Variants in AUTS2 observed in about 807,000 individuals in gnomAD.
AUTS2 encodes the protein autism susceptibility gene 2 protein.
Under a neutral mutation model 112.4 loss-of-function variants are expected in AUTS2, and 17 were observed. The ratio of observed to expected loss-of-function variants is 0.15; its 90% CI spans 0.10 to 0.23. AUTS2 has a LOEUF of 0.23. Among genes scored for constraint, AUTS2 ranks in the 10% least tolerant of loss-of-function variants. AUTS2 has a pLI of 1.00. For synonymous variants in AUTS2, 751 were observed against 702.7 expected, an observed-to-expected ratio of 1.07 and a Z score of -1.09; for missense variants, 1,510 against 1,701.6, an observed-to-expected ratio of 0.89 and a Z score of 1.98.
At chr7:70,174,925 A>G (rs1808904216) in intron 4 of AUTS2, among the ~76,000 whole-genome samples, 1 of 152,174 alleles carries the variant, frequency 6.6e-6, no homozygotes, top group Non-Finnish European at 1.5e-5. Context: ...TTATTTTACC[A>G]TTCATGGATC....
intron 2 of AUTS2, among the ~76,000 whole-genome samples, chr7:69,936,389 G>C (rs1434744462): frequency 1.3e-5 from 2 of 151,750 alleles, no homozygotes; most frequent in African/African-American, 2.4e-5. Context: ...TCTCTCTGTC[G>C]CCCAGGCTGG....
At chr7:70,086,815 A>G (rs1375693836) in intron 2 of AUTS2, among the ~76,000 whole-genome samples, 1 of 152,062 alleles carries the variant, frequency 6.6e-6, no homozygotes, top group Non-Finnish European at 1.5e-5. Context: ...TTGTATATTT[A>G]TCATATATTC....
chr7:69,640,947 T>C (rs1418728345), intron 1 of AUTS2, among the ~76,000 whole-genome samples: 1 of 152,226 alleles, frequency 6.6e-6, no homozygotes, highest in East Asian at 1.9e-4. Context: ...AATGACTATC[T>C]ATGTCTCATT....
chr7:69,713,616 A>G (rs1187670456), intron 1 of AUTS2, among the ~76,000 whole-genome samples: 2 of 151,974 alleles, frequency 1.3e-5, no homozygotes, highest in East Asian at 3.9e-4. Context: ...ATGTGCCACC[A>G]TGCCTGGCTC....
chr7:69,810,352 G>A lies in AUTS2; in HGVS notation c.310-88934G>A, dbSNP rs80215183. ...CACCAGCCTCACAGGATTCTCATAA[G>A]GATTAACTGTGATCATATTTAAAAT... On this transcript the variant is annotated intron_variant, in intron 1 of 18. Coordinates refer to ENST00000342771, the MANE Select transcript of AUTS2 (RefSeq NM_015570.4). Among the ~76,000 whole-genome samples the A allele has an allele frequency of 2.4e-3, 371 of 152,138 alleles. 1 individual carries two copies. The highest frequency in any genetic ancestry group is 8.5e-3 in the African/African-American group (351 of 41,516).
chr7:69,711,510 G>A (rs1798324095), intron 1 of AUTS2, among the ~76,000 whole-genome samples: 1 of 152,162 alleles, frequency 6.6e-6, no homozygotes, highest in East Asian at 1.9e-4. Context: ...GAAAACCACT[G>A]TGGTTCTCTG....
At chr7:69,862,050 C>T (rs560274752) in intron 1 of AUTS2, among the ~76,000 whole-genome samples, 10 of 152,216 alleles carry the variant, frequency 6.6e-5, no homozygotes, top group African/African-American at 2.2e-4. Context: ...GGGCACCTGC[C>T]GTGAACATTA....
chr7:70,642,089 G>C (rs1425742825), intron 5 of AUTS2, among the ~76,000 whole-genome samples: 1 of 152,122 alleles, frequency 6.6e-6, no homozygotes, highest in African/African-American at 2.4e-5. Flanking sequence ...AGATGTCCTT[G>C]CCCACACTTG....
intron 2 of AUTS2, among the ~76,000 whole-genome samples, chr7:69,907,699 A>G (rs1187947972): frequency 6.6e-6 from 1 of 152,252 alleles, no homozygotes; most frequent in African/African-American, 2.4e-5. Context: ...GGCCAACTGT[A>G]TCATATTCAA....
intron 1 of AUTS2, among the ~76,000 whole-genome samples, chr7:69,724,538 G>C (rs1240645200): frequency 1.3e-5 from 2 of 152,142 alleles, no homozygotes; most frequent in Non-Finnish European, 2.9e-5. Flanking sequence ...TGAAAACACT[G>C]CACTTTTAAC....
intron 6 of AUTS2, among the ~76,000 whole-genome samples, chr7:70,724,595 A>G (rs1226754986): frequency 2.0e-5 from 3 of 151,782 alleles, no homozygotes; most frequent in Non-Finnish European, 4.4e-5. Context: ...ACAGGCGTCT[A>G]CCACCACGCC....
chr7:70,227,935 T>C (rs933006499), intron 4 of AUTS2, among the ~76,000 whole-genome samples: 2 of 152,102 alleles, frequency 1.3e-5, no homozygotes, highest in African/African-American at 4.8e-5. Context: ...TAGGTCAGTT[T>C]GTTTGATAGT....
At chr7:70,091,736 T>C (rs1453080981) in intron 2 of AUTS2, among the ~76,000 whole-genome samples, 1 of 152,168 alleles carries the variant, frequency 6.6e-6, no homozygotes, top group Non-Finnish European at 1.5e-5. Context: ...CTGGGTCCTG[T>C]GGTAATCATC....
intron 1 of AUTS2, among the ~76,000 whole-genome samples, chr7:69,861,897 A>C (rs1055004253): frequency 2.6e-5 from 4 of 151,996 alleles, no homozygotes; most frequent in African/African-American, 7.3e-5. Context: ...TTGGTGATGG[A>C]GTTGGTTTGC....
At chr7:70,784,769 AAAAAC>A (rs1262630070) in intron 15 of AUTS2, 168 bp from the exon 16 acceptor site, 3,169 of 193,528 alleles carry the variant, frequency 0.016, 101 homozygotes, top group African/African-American at 0.049. Flanking sequence ...AAAAAAAAAA[AAAAAC>A]ACACATTTTC....
At chr7:70,716,798 C>T (rs916597771) in intron 6 of AUTS2, among the ~76,000 whole-genome samples, 4 of 151,908 alleles carry the variant, frequency 2.6e-5, no homozygotes, top group Admixed American at 1.3e-4. Context: ...GCACCATGGG[C>T]GGCAGGCTGT....
At chr7:70,509,745 C>G (rs566765268) in intron 5 of AUTS2, among the ~76,000 whole-genome samples, 1 of 152,146 alleles carries the variant, frequency 6.6e-6, no homozygotes, top group African/African-American at 2.4e-5. Flanking sequence ...CCATTTTACT[C>G]TCATCAAGGA....
chr7:70,214,308 AT>A (rs1811064446), intron 4 of AUTS2, among the ~76,000 whole-genome samples: 1 of 151,906 alleles, frequency 6.6e-6, no homozygotes, highest in African/African-American at 2.4e-5. Flanking sequence ...ACCCAACCAC[AT>A]TTTTTTCTTT....
chr7:70,413,660 C>T (rs1794869520), intron 4 of AUTS2, among the ~76,000 whole-genome samples: 1 of 149,198 alleles, frequency 6.7e-6, no homozygotes, highest in African/African-American at 2.5e-5. Flanking sequence ...AGCACAATTT[C>T]TTTTCTTGTT....
Sources: allele counts gnomAD v4.1 joint callset (sites outside exome capture counted in the v4.1 genomes callset), GRCh38; gene constraint gnomAD v4.1.1; transcripts MANE v1.5; gene names NCBI Gene and HGNC (gene_info 2026-07-23, HGNC 2026-07-21).